The following TRIM34 variants were observed in gnomAD, a reference collection of about 807,000 sequenced individuals.
TRIM34 encodes the protein E3 ubiquitin-protein ligase TRIM34.
A neutral mutation model predicts 38.1 loss-of-function variants in TRIM34; 41 were observed. The observed-to-expected ratio is 1.08, with a 90% confidence interval of 0.84 to 1.40. The LOEUF (loss-of-function observed/expected upper bound fraction) is 1.40. Ranked by LOEUF, TRIM34 falls within the 40% of genes most tolerant of loss-of-function variation. The probability of loss-of-function intolerance (pLI) is 0.00; values close to 1 mark genes in which losing one functional copy is unlikely to be tolerated. For missense variants in TRIM34, 556 were observed against 571.4 expected, an observed-to-expected ratio of 0.97 and a Z score of 0.27; for synonymous variants, 200 against 202.5, an observed-to-expected ratio of 0.99 and a Z score of 0.10.
Position 5,643,595 on chromosome 11 carries a change from C to T in TRIM34, c.1353C>T (p.Ser451=), listed in dbSNP as rs367869915. 12 of 1,614,008 alleles carry T rather than the reference C, an allele frequency of 7.4e-6. No individual in the cohort carries two copies. The highest frequency in any genetic ancestry group is 8.5e-6 in the Non-Finnish European group (10 of 1,180,014). The change falls in exon 8 of 8, where the codon AGC becomes AGT. Residue 451 remains serine, a synonymous_variant. Transcript: ENST00000429814. ...AGIVSFFNVT[S]HGSLIYKFSK... is the part of the protein sequence containing the mutation. ...TTGTCTCATTTTTCAATGTCACAAG[C>T]CATGGCTCCCTCATTTACAAGTTCT...
In TRIM34 at chr11:5,632,805, A is replaced by AATC. The variant is rs563542798; in HGVS notation, c.423+52_423+54dup. On this transcript the variant is annotated intron_variant, in intron 2 of 7. Transcript: ENST00000429814. ...GGGCAGAAGATGGTAGTTGGTGGAA[A>AATC]ATCTCACCTTTTCATCCTTTTTTTT... 5.6e-4 allele frequency: 840 copies of AATC among 1,492,556 alleles called. 18 individuals are homozygous for AATC. The South Asian group carries it at 0.011, about 19-fold the overall frequency. 92.5% of individuals were successfully genotyped at this position (1,492,556 alleles called of 1,614,324 possible).
At chr11:5,628,433 G>T (rs577048211) in intron 1 of TRIM34, among the ~76,000 whole-genome samples, 3 of 152,252 alleles carry the variant, frequency 2.0e-5, no homozygotes, top group African/African-American at 7.2e-5. Context: ...TTGTAGCCAG[G>T]GGCTACCAGT....
chr11:5,642,732 C>G (rs535957979), intron 6 of TRIM34, 85 bp from the exon 7 acceptor site: 17 of 1,565,810 alleles, frequency 1.1e-5, no homozygotes, highest in Middle Eastern at 1.7e-4. Flanking sequence ...ATTCCCTTCC[C>G]CTGTCCCTAC....
intron 7 of TRIM34, 116 bp from the exon 8 acceptor site, chr11:5,643,028 G>C: frequency 7.7e-7 from 1 of 1,291,026 alleles, no homozygotes; most frequent in Non-Finnish European, 1.0e-6. Context: ...CACTTCCCAA[G>C]TTCGTTCATC....
At chr11:5,632,778 T>C (rs1849535634) in intron 2 of TRIM34, 24 bp downstream of exon 2, 2 of 1,547,646 alleles carry the variant, frequency 1.3e-6, no homozygotes, top group South Asian at 2.4e-5. Flanking sequence ...TGGAGGGAGA[T>C]GGGGCAGAAG....
upstream of TRIM34, among the ~76,000 whole-genome samples, chr11:5,624,134 C>G (rs1482027806): frequency 6.6e-6 from 1 of 152,126 alleles, no homozygotes; most frequent in African/African-American, 2.4e-5. Flanking sequence ...TTCAAAGCAG[C>G]CCTTTCTGTC....
At chr11:5,629,377 A>G (rs975727669) in intron 1 of TRIM34, among the ~76,000 whole-genome samples, 2 of 152,236 alleles carry the variant, frequency 1.3e-5, no homozygotes, top group Non-Finnish European at 2.9e-5. Context: ...TGATTTTCAA[A>G]TAAGTTCACA....
intron 1 of TRIM34, among the ~76,000 whole-genome samples, chr11:5,629,730 C>T (rs921197148): frequency 3.3e-5 from 5 of 152,166 alleles, no homozygotes; most frequent in Admixed American, 2.6e-4. Context: ...TTTTTTGAGA[C>T]GGAGTCTCGC....
In TRIM34 at chr11:5,643,232, T is replaced by C. The variant is rs779451503; in HGVS notation, c.990T>C (p.Pro330=). The change falls in exon 8 of 8, where the codon CCT becomes CCC. Residue 330 remains proline, a synonymous_variant. Coordinates refer to ENST00000429814, the MANE Select transcript of TRIM34 (RefSeq NM_021616.6). ...QRQVISVPIW[P]FQCYNYGVLG... Reference sequence around the variant, plus strand: ...AAGTGATATCTGTGCCAATTTGGCCTTTTCAGTGTTATAATTATGGTGTCT... The same window carrying C: ...AAGTGATATCTGTGCCAATTTGGCCCTTTCAGTGTTATAATTATGGTGTCT... 2 of 1,613,784 alleles carry C rather than the reference T, an allele frequency of 1.2e-6. No homozygotes were observed. The highest frequency in any genetic ancestry group is 1.1e-5 in the South Asian group (1 of 90,990).
intron 1 of TRIM34, among the ~76,000 whole-genome samples, chr11:5,626,314 G>A (rs1480320389): frequency 6.6e-6 from 1 of 152,174 alleles, no homozygotes; most frequent in Non-Finnish European, 1.5e-5. Flanking sequence ...AGACCATATC[G>A]ATGAATGTTA....
rs1177594990 is a variant in TRIM34 at position 5,633,819 on chromosome 11, G to A, written c.439G>A (p.Val147Ile). Residue 147 changes from valine (V) to isoleucine (I), a missense_variant, in exon 3 of 8, where the codon GTC becomes ATC. Val to Ile is a conservative substitution (Grantham distance 29). Coordinates refer to ENST00000429814, the MANE Select transcript of TRIM34 (RefSeq NM_021616.6). Reference protein sequence around the residue: ...FKECQEKLQAVLKRLKKEEEE... With the variant: ...FKECQEKLQAILKRLKKEEEE... ...CTTCTCATAGGAGAAACTCCAGGCA[G>A]TCCTCAAGAGGCTGAAGAAGGAAGA... 1 of 1,613,834 alleles carries A rather than the reference G, an allele frequency of 6.2e-7. No individual in the cohort carries two copies. The highest frequency in any genetic ancestry group is 8.5e-7 in the Non-Finnish European group (1 of 1,179,940).
At chr11:5,636,468 T>C (rs1849739397) in intron 4 of TRIM34, among the ~76,000 whole-genome samples, 1 of 152,212 alleles carries the variant, frequency 6.6e-6, no homozygotes, top group Non-Finnish European at 1.5e-5. Context: ...TCGTGAATAT[T>C]TTAAAGCCTG....
At chr11:5,623,105 CTTT>C (rs11301714), upstream of TRIM34, among the ~76,000 whole-genome samples, 5 of 106,840 alleles carry the variant, frequency 4.7e-5, no homozygotes, top group Admixed American at 9.8e-5. Flanking sequence ...CTGTCTGGAG[CTTT>C]TTTTTTTTTT....
chr11:5,636,102 T>C lies in TRIM34; in HGVS notation c.750+1241T>C, dbSNP rs551298111. Reference sequence around the variant, plus strand: ...TTATATATGAAAGTTCACAGCAGTATTGTTCATAAATAAAACAACTCGTAT... The same window carrying C: ...TTATATATGAAAGTTCACAGCAGTACTGTTCATAAATAAAACAACTCGTAT... On this transcript the variant is annotated intron_variant, in intron 4 of 7. Transcript: ENST00000429814. 3.3e-5 allele frequency among the ~76,000 whole-genome samples: 5 copies of C among 152,340 alleles called. No individual in the cohort carries two copies. The East Asian group carries it at 9.6e-4, about 29-fold the overall frequency.
intron 1 of TRIM34, among the ~76,000 whole-genome samples, chr11:5,627,220 A>T (rs1360198169): frequency 6.6e-6 from 1 of 151,736 alleles, no homozygotes. Context: ...TCTCTACTAA[A>T]AATACAAAAA....
chr11:5,641,445 T>A (rs1364833426), intron 5 of TRIM34: 1 of 898,642 alleles, frequency 1.1e-6, no homozygotes, highest in Non-Finnish European at 1.5e-6. Flanking sequence ...TGAGAGCTTT[T>A]ACTGTCAGAC....
At chr11:5,636,797 G>A (rs1202766550) in intron 4 of TRIM34, among the ~76,000 whole-genome samples, 1 of 152,100 alleles carries the variant, frequency 6.6e-6, no homozygotes, top group African/African-American at 2.4e-5. Flanking sequence ...GAAAACTTAG[G>A]AACTTATTCT....
intron 2 of TRIM34, among the ~76,000 whole-genome samples, chr11:5,633,289 T>C (rs913996774): frequency 3.3e-5 from 5 of 152,054 alleles, no homozygotes; most frequent in Non-Finnish European, 5.9e-5. Flanking sequence ...ATCTTCTCCA[T>C]GTACATCTTT....
chr11:5,632,379 C>G lies in TRIM34; in HGVS notation c.48C>G (p.Pro16=). The change falls in exon 2 of 8, where the codon CCC becomes CCG. Residue 16 remains proline (P), a synonymous_variant. Coordinates refer to ENST00000429814, the MANE Select transcript of TRIM34 (RefSeq NM_021616.6). ...LLNVQEEVTC[P]ICLELLTEPL... Reference sequence around the variant, plus strand: ...ACGTACAAGAGGAGGTGACCTGTCCCATCTGCCTGGAGCTGTTGACAGAAC... The same window carrying G: ...ACGTACAAGAGGAGGTGACCTGTCCGATCTGCCTGGAGCTGTTGACAGAAC... 1 of 1,614,040 alleles carries G rather than the reference C, an allele frequency of 6.2e-7. No individual in the cohort carries two copies. Among genetic ancestry groups the G allele is most frequent in the Non-Finnish European group, 8.5e-7 (1 of 1,180,008 alleles).
Sources: allele counts gnomAD v4.1 joint callset (sites outside exome capture counted in the v4.1 genomes callset), GRCh38; gene constraint gnomAD v4.1.1; transcripts MANE v1.5; gene names NCBI Gene and HGNC (gene_info 2026-07-23, HGNC 2026-07-21).